BLTP1: variants seen among roughly 807,000 people sequenced by gnomAD.
BLTP1 encodes bridge-like lipid transfer protein family member 1.
chr4:122,187,879 A>ATTT, the BLTP1 span: 19 of 1,311,458 alleles, frequency 1.4e-5, no homozygotes, highest in Admixed American at 4.9e-5. Context: ...TTATCTGTTT[A>ATTT]TTTTTTTTTT....
chr4:122,208,197 C>A, the BLTP1 span: 36 of 767,146 alleles, frequency 4.7e-5, no homozygotes, highest in Admixed American at 2.5e-4. Context: ...GACACTATTC[C>A]ATGTGCTTTA....
chr4:122,268,457 T>C, the BLTP1 span, among the ~76,000 whole-genome samples: 1 of 150,958 alleles, frequency 6.6e-6, no homozygotes, highest in South Asian at 2.1e-4. Flanking sequence ...TACTATGAAG[T>C]TTTTTGTCAG....
chr4:122,277,673 G>T, the BLTP1 span: 7 of 976,178 alleles, frequency 7.2e-6, no homozygotes, highest in Admixed American at 4.3e-4. Context: ...TTTATCATTT[G>T]TTTACCACTC....
chr4:122,157,094 G>T, the BLTP1 span, among the ~76,000 whole-genome samples: 1 of 152,166 alleles, frequency 6.6e-6, no homozygotes, highest in African/African-American at 2.4e-5. Flanking sequence ...AGCTTAAGAT[G>T]ACGTATATGA....
At chr4:122,346,619 T>C in the BLTP1 span, 1 of 1,610,026 alleles carries the variant, frequency 6.2e-7, no homozygotes, top group African/African-American at 1.3e-5. Context: ...TATTTATGTA[T>C]CAGCTGTTTG....
the BLTP1 span, chr4:122,197,204 T>C: frequency 1.4e-5 from 17 of 1,252,056 alleles, no homozygotes; most frequent in South Asian, 2.4e-4. Flanking sequence ...AGGAAACAAA[T>C]GCTGTACATG....
At chr4:122,168,022 T>G in the BLTP1 span, 2 of 413,788 alleles carry the variant, frequency 4.8e-6, no homozygotes, top group South Asian at 2.0e-4. Flanking sequence ...CTGTGTCTAG[T>G]GTTGCCTTAC....
At chr4:122,162,832 C>A in the BLTP1 span, 1 of 186,920 alleles carries the variant, frequency 5.3e-6, no homozygotes, top group Non-Finnish European at 1.0e-5. Context: ...TATATGGAAG[C>A]AATCAGAGTC....
chr4:122,224,531 G>A, the BLTP1 span: 7 of 1,613,852 alleles, frequency 4.3e-6, no homozygotes, highest in Non-Finnish European at 5.1e-6. Context: ...ACTCAGGGAA[G>A]GTCACATCAA....
chr4:122,240,501 A>G, the BLTP1 span: 2 of 670,490 alleles, frequency 3.0e-6, no homozygotes, highest in Non-Finnish European at 5.0e-6. Context: ...ATGATAGGTC[A>G]CAGAGTTATT....
At chr4:122,200,811 A>G in the BLTP1 span, 1 of 795,110 alleles carries the variant, frequency 1.3e-6, no homozygotes, top group Non-Finnish European at 1.5e-6. Flanking sequence ...TCTTGACTTA[A>G]TATTTCAAGG....
At chr4:122,162,737 A>AC in the BLTP1 span, 1,052 of 725,164 alleles carry the variant, frequency 1.5e-3, 13 homozygotes, top group African/African-American at 0.019. Context: ...AACAACAACA[A>AC]AAAAAAAACT....
the BLTP1 span, chr4:122,189,889 G>A: frequency 7.5e-6 from 11 of 1,463,864 alleles, no homozygotes; most frequent in African/African-American, 1.3e-4. Flanking sequence ...TTATGTGCTT[G>A]TTAGTTTTTT....
chr4:122,186,902 A>G, the BLTP1 span: 1 of 395,596 alleles, frequency 2.5e-6, no homozygotes, highest in Non-Finnish European at 3.4e-6. Flanking sequence ...TACTTTGTAT[A>G]TGGCCAGTTT....
At chr4:122,231,267 G>C in the BLTP1 span, among the ~76,000 whole-genome samples, 1 of 152,102 alleles carries the variant, frequency 6.6e-6, no homozygotes, top group Admixed American at 6.6e-5. Context: ...ATCCACAATG[G>C]CTTTTTAGCT....
chr4:122,172,393 T>G, the BLTP1 span: 4 of 630,366 alleles, frequency 6.3e-6, no homozygotes, highest in Non-Finnish European at 5.9e-6. Context: ...CTAGATTTTT[T>G]GAGAATATGA....
the BLTP1 span, chr4:122,194,695 G>A: frequency 3.5e-6 from 3 of 857,974 alleles, no homozygotes; most frequent in African/African-American, 3.7e-5. Flanking sequence ...TAAATAAAGT[G>A]TGATTCTTCT....
chr4:122,355,552 A>G, the BLTP1 span, among the ~76,000 whole-genome samples: 1 of 148,090 alleles, frequency 6.8e-6, no homozygotes, highest in Non-Finnish European at 1.5e-5. Flanking sequence ...TATACTACAT[A>G]TATATCTATA....
chr4:122,254,525 A>C, the BLTP1 span: 4 of 894,900 alleles, frequency 4.5e-6, no homozygotes, highest in Non-Finnish European at 5.3e-6. Context: ...TGTTTGACCC[A>C]ATTTCTTTCA....
Sources: allele counts gnomAD v4.1 joint callset (sites outside exome capture counted in the v4.1 genomes callset), GRCh38; gene constraint gnomAD v4.1.1; transcripts MANE v1.5; gene names NCBI Gene and HGNC (gene_info 2026-07-23, HGNC 2026-07-21).